Variants in ADGRA3 observed in about 807,000 individuals in gnomAD.
ADGRA3 encodes the protein G-protein coupled receptor 125.
Under a neutral mutation model 119.8 loss-of-function variants are expected in ADGRA3, and 56 were observed. The observed-to-expected ratio is 0.47, with a 90% CI of 0.38 to 0.58. The LOEUF (loss-of-function observed/expected upper bound fraction) is 0.58. Ranked by LOEUF, ADGRA3 falls within the 20% of genes least tolerant of loss-of-function variation. The pLI, the probability that ADGRA3 is intolerant of heterozygous loss-of-function variation, is 0.00. For synonymous variants in ADGRA3, 607 were observed against 623.8 expected (o/e 0.97, Z 0.40); for missense variants, 1,516 against 1,649.0 (o/e 0.92, Z 1.40).
intron 6 of ADGRA3, among the ~76,000 whole-genome samples, chr4:22,443,896 A>G (rs1716725296): frequency 6.6e-6 from 1 of 152,212 alleles, no homozygotes; most frequent in South Asian, 2.1e-4. Context: ...TTGTGATACA[A>G]CAATAATAAT....
At chr4:22,434,350 C>T (rs1465741442) in intron 10 of ADGRA3, among the ~76,000 whole-genome samples, 3 of 151,740 alleles carry the variant, frequency 2.0e-5, no homozygotes, top group Non-Finnish European at 4.4e-5. Context: ...TAAAGAAATA[C>T]GCAGGTTTTG....
intron 2 of ADGRA3, among the ~76,000 whole-genome samples, chr4:22,468,589 T>G (rs1172699670): frequency 6.6e-6 from 1 of 151,792 alleles, no homozygotes; most frequent in Non-Finnish European, 1.5e-5. Context: ...GCCAACGTGG[T>G]GAAACCCCAT....
chr4:22,447,820 G>A (rs994348668), intron 4 of ADGRA3, among the ~76,000 whole-genome samples: 5 of 152,076 alleles, frequency 3.3e-5, no homozygotes, highest in African/African-American at 9.7e-5. Flanking sequence ...AGAATTACTC[G>A]AAGGGTTCAC....
intron 2 of ADGRA3, among the ~76,000 whole-genome samples, chr4:22,464,434 T>C (rs1717580428): frequency 6.6e-6 from 1 of 152,192 alleles, no homozygotes; most frequent in Non-Finnish European, 1.5e-5. Flanking sequence ...CATCCTTCTC[T>C]CTTCCAACCA....
Position 22,415,854 on chromosome 4 carries a change from C to CA in ADGRA3, c.1810-2041dup, listed in dbSNP as rs910718113. ...AACCAATTAAAAAAAAAACAATGTA[C>CA]AAAAAACCAGGAGTATGGACATATT... On this transcript the variant is annotated intron_variant, in intron 12 of 18. Transcript: ENST00000334304. Among the ~76,000 whole-genome samples, 7 of 151,756 alleles carry CA rather than the reference C, an allele frequency of 4.6e-5. No individual in the cohort carries two copies. In the South Asian group the frequency reaches 1.5e-3, roughly 32 times the overall value.
intron 12 of ADGRA3, chr4:22,420,087 C>T (rs1211405741): frequency 6.6e-6 from 1 of 152,500 alleles, no homozygotes; most frequent in Non-Finnish European, 1.5e-5. Context: ...AACCAGAACA[C>T]CTAACACCTG....
intron 1 of ADGRA3, among the ~76,000 whole-genome samples, chr4:22,508,012 T>C (rs1356104961): frequency 6.6e-6 from 1 of 152,222 alleles, no homozygotes; most frequent in African/African-American, 2.4e-5. Context: ...CTTTTCCTGC[T>C]CTTCCACCAC....
intron 14 of ADGRA3, among the ~76,000 whole-genome samples, chr4:22,409,745 C>T (rs1391819728): frequency 6.6e-6 from 1 of 152,078 alleles, no homozygotes; most frequent in African/African-American, 2.4e-5. Flanking sequence ...GAAAAAAGCA[C>T]GGTTTAGAAC....
At chr4:22,455,749 C>T in intron 3 of ADGRA3, 1 of 1,092,396 alleles carries the variant, frequency 9.2e-7, no homozygotes, top group Non-Finnish European at 1.2e-6. Context: ...GACACCTGCA[C>T]TGGTTTAAAA....
chr4:22,387,696 C>T lies in ADGRA3; in HGVS notation c.*9G>A, dbSNP rs1713895896. 6.3e-7 allele frequency: 1 copy of T among 1,581,596 alleles called. No individual in the cohort carries two copies. The highest frequency in any genetic ancestry group is 8.6e-7 in the Non-Finnish European group (1 of 1,162,614). ...TTATATGAATTTCTGCCTAGGAAGC[C>T]CAGCAATGTTACACAGTAGTTTCGT... is the stretch of plus-strand genomic sequence containing the variant. On this transcript the variant is annotated 3_prime_UTR_variant, in exon 19 of 19. Coordinates refer to ENST00000334304, the MANE Select transcript of ADGRA3 (RefSeq NM_145290.4).
At chr4:22,501,930 T>TC (rs1160524114) in intron 1 of ADGRA3, among the ~76,000 whole-genome samples, 1 of 151,598 alleles carries the variant, frequency 6.6e-6, no homozygotes, top group East Asian at 1.9e-4. Context: ...TGTAATTTTT[T>TC]TTTTCCCCAT....
intron 1 of ADGRA3, 62 bp downstream of exon 1, chr4:22,515,466 T>C: frequency 1.3e-6 from 2 of 1,564,560 alleles, no homozygotes; most frequent in Non-Finnish European, 1.7e-6. Flanking sequence ...TGCTCCAAAG[T>C]TGAGCGGAGA....
In ADGRA3 at chr4:22,438,291, A is replaced by C. The variant is rs6823735; in HGVS notation, c.1050T>G (p.Pro350=). 0.71 allele frequency: 1,148,691 copies of C among 1,610,368 alleles called. 416,928 individuals are homozygous for C. Among genetic ancestry groups the C allele is most frequent in the Non-Finnish European group, 0.75 (878,839 of 1,178,312 alleles). The change falls in exon 8 of 19, where the codon CCT becomes CCG. Residue 350 remains proline (P), a synonymous_variant. Coordinates refer to ENST00000334304, the MANE Select transcript of ADGRA3 (RefSeq NM_145290.4). ...VVLESSAQYC[P]PERVVNNKGD... is the part of the protein sequence containing the mutation. ...CTTTGTTGTTTACCACCCTCTCTGG[A>C]GGACAGTACTGTGCAGAACTCTCTA...
rs145134973 is a variant in ADGRA3 at position 22,466,976 on chromosome 4, T to C, written c.330-5168A>G. ...CTATAAAAATATTTTTAGTAAGTTATGGTTGGCTACAAAATTACAAGGCTG... is the reference window on the plus strand; with the variant it reads ...CTATAAAAATATTTTTAGTAAGTTACGGTTGGCTACAAAATTACAAGGCTG... On this transcript the variant is annotated intron_variant, in intron 2 of 18. Coordinates refer to ENST00000334304, the MANE Select transcript of ADGRA3 (RefSeq NM_145290.4). Among the ~76,000 whole-genome samples, 28 of 152,310 alleles carry C rather than the reference T, an allele frequency of 1.8e-4. No individual in the cohort carries two copies. The East Asian group carries it at 5.0e-3, about 27-fold the overall frequency.
At chr4:22,493,123 C>A (rs1305182910) in intron 1 of ADGRA3, among the ~76,000 whole-genome samples, 2 of 152,178 alleles carry the variant, frequency 1.3e-5, no homozygotes, top group African/African-American at 4.8e-5. Flanking sequence ...CACCACCACA[C>A]ACAGCTAGTT....
Position 22,389,063 on chromosome 4 carries a change from T to A in ADGRA3, c.2723+25A>T, listed in dbSNP as rs777174009. 13 of 1,605,668 alleles carry A rather than the reference T, an allele frequency of 8.1e-6. No homozygotes were observed. The African/African-American group carries it at 1.7e-4, about 22-fold the overall frequency. Reference sequence around the variant, plus strand: ...TTAAAAGAGAAACAACTGGGTCAAGTACACAGAGAATATAAAATACTCACT... The same window carrying A: ...TTAAAAGAGAAACAACTGGGTCAAGAACACAGAGAATATAAAATACTCACT... On this transcript the variant is annotated intron_variant, in intron 18 of 18. Coordinates refer to ENST00000334304, the MANE Select transcript of ADGRA3 (RefSeq NM_145290.4).
chr4:22,463,170 C>T (rs1717533498), intron 2 of ADGRA3, among the ~76,000 whole-genome samples: 2 of 152,194 alleles, frequency 1.3e-5, no homozygotes, highest in South Asian at 2.1e-4. Context: ...ATAACAGTGG[C>T]AACCTTGCCC....
chr4:22,474,947 G>A (rs1717985373), intron 1 of ADGRA3, among the ~76,000 whole-genome samples: 1 of 152,086 alleles, frequency 6.6e-6, no homozygotes, highest in East Asian at 1.9e-4. Context: ...CATACCTCTG[G>A]ATCAGAAGAT....
chr4:22,413,420 T>C (rs1292961629), intron 13 of ADGRA3, 30 bp from the exon 14 acceptor site: 1 of 1,575,772 alleles, frequency 6.3e-7, no homozygotes, highest in African/African-American at 1.3e-5. Flanking sequence ...AAAATATTTC[T>C]GAAACAAACT....
Sources: gnomAD v4.1 joint callset for allele counts (sites outside exome capture counted in the v4.1 genomes callset) on GRCh38, gnomAD v4.1.1 for gene constraint, MANE v1.5 for transcripts, NCBI Gene and HGNC (gene_info 2026-07-23, HGNC 2026-07-21) for gene names.